Variants in UBXN7 observed in about 807,000 individuals in gnomAD.
UBXN7 encodes the protein UBX domain protein 7, also known as UBX domain-containing protein 7.
UBXN7 carries 9 observed loss-of-function variants against 58.0 expected under a neutral mutation model. That is an observed-to-expected ratio of 0.16 (90% CI 0.09 to 0.27). The LOEUF (loss-of-function observed/expected upper bound fraction) is 0.27. Among genes scored for constraint, UBXN7 ranks in the 10% least tolerant of loss-of-function variants. The pLI is 1.00. For synonymous variants in UBXN7, 208 were observed against 205.0 expected (o/e 1.01, Z -0.12); for missense variants, 328 against 599.6 (o/e 0.55, Z 4.73).
chr3:196,385,283 CGG>C (rs1729342060), intron 5 of UBXN7, among the ~76,000 whole-genome samples: 1 of 152,226 alleles, frequency 6.6e-6, no homozygotes, highest in Non-Finnish European at 1.5e-5. Flanking sequence ...GGATTGCAGA[CGG>C]AGTCTCGCTC....
Position 196,407,488 on chromosome 3 carries a change from T to C in UBXN7, c.74-95A>G, listed in dbSNP as rs928431189. 6.9e-6 allele frequency: 10 copies of C among 1,454,426 alleles called. 1 individual carries two copies. Among genetic ancestry groups the C allele is most frequent in the East Asian group, 2.4e-5 (1 of 41,894 alleles). The allele number at this position is 1,454,426 out of a possible 1,614,324, so 90.1% of individuals were successfully genotyped here. On this transcript the variant is annotated intron_variant, in intron 1 of 10. Coordinates refer to ENST00000296328, the MANE Select transcript of UBXN7 (RefSeq NM_015562.2). ...ATATTAGAATTCCCAAGTAAATTAATAGTATTTTTCCCTTTTAGAATGAAT... is the reference window on the plus strand; with the variant it reads ...ATATTAGAATTCCCAAGTAAATTAACAGTATTTTTCCCTTTTAGAATGAAT...
intron 5 of UBXN7, among the ~76,000 whole-genome samples, chr3:196,389,491 T>C (rs1729511988): frequency 6.6e-6 from 1 of 152,212 alleles, no homozygotes. Context: ...TTTGGAAATT[T>C]GTCCCCTCCA....
At chr3:196,383,768 C>T (rs1424522284) in intron 5 of UBXN7, among the ~76,000 whole-genome samples, 3 of 152,104 alleles carry the variant, frequency 2.0e-5, no homozygotes, top group Admixed American at 6.6e-5. Context: ...AAAGACACAA[C>T]GTAACAGAAT....
In UBXN7 at chr3:196,361,985, G is replaced by A. The variant is rs1008621740; in HGVS notation, c.1229-62C>T. The A allele has an allele frequency of 2.1e-6, 3 of 1,434,164 alleles. No individual in the cohort carries two copies. The African/African-American group carries it at 4.3e-5, about 21-fold the overall frequency. The allele number at this position is 1,434,164 out of a possible 1,614,324, so 88.8% of individuals were successfully genotyped here. ...TACAGGAGTTTAAGACAGAATATTAGTTTAAATAAATATGTAAATAAATAC... is the reference window on the plus strand; with the variant it reads ...TACAGGAGTTTAAGACAGAATATTAATTTAAATAAATATGTAAATAAATAC... On this transcript the variant is annotated intron_variant, in intron 9 of 10. Transcript: ENST00000296328.
intron 5 of UBXN7, among the ~76,000 whole-genome samples, chr3:196,385,246 T>C (rs1729340003): frequency 6.6e-6 from 1 of 152,242 alleles, no homozygotes; most frequent in Non-Finnish European, 1.5e-5. Flanking sequence ...GTGAGTGATC[T>C]GCCAGCCTCG....
chr3:196,393,806 C>T lies in UBXN7; in HGVS notation c.290-187G>A, dbSNP rs994235510. 4 of 438,822 alleles carry T rather than the reference C, an allele frequency of 9.1e-6. No individual in the cohort carries two copies. In the South Asian group the frequency reaches 1.1e-4, roughly 12 times the overall value. 27.2% of individuals were successfully genotyped at this position (438,822 alleles called of 1,614,324 possible). On this transcript the variant is annotated intron_variant, in intron 3 of 10. Transcript: ENST00000296328. The stretch of plus-strand genomic sequence containing the variant: ...AATTTTAGTAAATGTGCTGCCGCAG[C>T]GAGCACAGTATTTCTTGTTTTAAAA...
In UBXN7 at chr3:196,420,176, G is replaced by T. The variant is rs116165354; in HGVS notation, c.73+12151C>A. Among the ~76,000 whole-genome samples, 406 of 151,668 alleles carry T rather than the reference G, an allele frequency of 2.7e-3. 1 individual carries two copies. Among genetic ancestry groups the T allele is most frequent in the African/African-American group, 9.6e-3 (398 of 41,432 alleles). On this transcript the variant is annotated intron_variant, in intron 1 of 10. Coordinates refer to ENST00000296328, the MANE Select transcript of UBXN7 (RefSeq NM_015562.2). ...AGAAGAACATACCTTTTTTTTTAAG[G>T]GGGGGCTAATAAAACAAGTTTGACA...
chr3:196,370,751 T>C (rs1728803823), intron 6 of UBXN7, among the ~76,000 whole-genome samples: 1 of 150,008 alleles, frequency 6.7e-6, no homozygotes, highest in Non-Finnish European at 1.5e-5. Flanking sequence ...GCCGGCACGG[T>C]GATTCATGCC....
chr3:196,386,470 T>C (rs13084478), intron 5 of UBXN7, among the ~76,000 whole-genome samples: 2,052 of 145,800 alleles, frequency 0.014, 17 homozygotes, highest in Non-Finnish European at 0.018. Flanking sequence ...GAAAACCCCA[T>C]CGTCTCAGCC....
Position 196,362,577 on chromosome 3 carries a change from A to G in UBXN7, c.945T>C (p.Asp315=). ...AAAAAAGTTCAGATTCAGATTCTTC[A>G]TCTGAGCGGCTATCCTGTTTTGTCT... The part of the protein sequence containing the change: ...STQTKQDSRS[D]EESESELFSG... The change falls in exon 9 of 11, where the codon GAT becomes GAC. Residue 315 remains aspartate, a synonymous_variant. Transcript: ENST00000296328. 1 of 1,614,190 alleles carries G rather than the reference A, an allele frequency of 6.2e-7. No individual in the cohort carries two copies. Among genetic ancestry groups the G allele is most frequent in the Non-Finnish European group, 8.5e-7 (1 of 1,180,032 alleles).
chr3:196,358,001 G>C (rs1728397402), intron 10 of UBXN7, among the ~76,000 whole-genome samples: 2 of 151,876 alleles, frequency 1.3e-5, no homozygotes, highest in South Asian at 2.1e-4. Flanking sequence ...GTGCCCCACA[G>C]CACTCCAGCC....
At chr3:196,390,791 T>C (rs1366924267) in intron 5 of UBXN7, among the ~76,000 whole-genome samples, 2 of 151,616 alleles carry the variant, frequency 1.3e-5, no homozygotes, top group African/African-American at 4.8e-5. Flanking sequence ...GAAATGCTAT[T>C]GTAATTCAAA....
intron 1 of UBXN7, among the ~76,000 whole-genome samples, chr3:196,410,668 A>C (rs1045065983): frequency 6.6e-6 from 1 of 151,880 alleles, no homozygotes; most frequent in Admixed American, 6.6e-5. Context: ...CTAAAAATAC[A>C]AAAATTAGCC....
At chr3:196,401,336 CAT>C (rs1174614635) in intron 3 of UBXN7, among the ~76,000 whole-genome samples, 1 of 121,464 alleles carries the variant, frequency 8.2e-6, no homozygotes, top group African/African-American at 3.1e-5. Context: ...TATATATACA[CAT>C]ATATACAAAA....
chr3:196,407,436 A>AC, intron 1 of UBXN7, 43 bp from the exon 2 acceptor site: 1 of 1,561,188 alleles, frequency 6.4e-7, no homozygotes, highest in Non-Finnish European at 8.6e-7. Context: ...AAAAAAAAAA[A>AC]AAAAAGACAG....
intron 5 of UBXN7, among the ~76,000 whole-genome samples, chr3:196,377,260 G>A (rs1273399040): frequency 2.0e-5 from 3 of 152,128 alleles, no homozygotes; most frequent in African/African-American, 7.2e-5. Flanking sequence ...CCTTGCCCAG[G>A]TCAGACCATT....
At chr3:196,385,353 A>T (rs578008135) in intron 5 of UBXN7, among the ~76,000 whole-genome samples, 2 of 152,028 alleles carry the variant, frequency 1.3e-5, no homozygotes, top group Non-Finnish European at 2.9e-5. Flanking sequence ...GGCTCGCTAC[A>T]ACCTCCACCT....
At chr3:196,393,836 C>A in intron 3 of UBXN7, 2 of 355,180 alleles carry the variant, frequency 5.6e-6, no homozygotes, top group South Asian at 1.1e-4. Flanking sequence ...TTAAAACACT[C>A]AAGATTCATA....
At chr3:196,429,177 A>C (rs1730943143) in intron 1 of UBXN7, among the ~76,000 whole-genome samples, 1 of 152,024 alleles carries the variant, frequency 6.6e-6, no homozygotes, top group Admixed American at 6.6e-5. Flanking sequence ...AATACAAAAA[A>C]TTAGCCAGGC....
Sources: gnomAD v4.1 joint callset for allele counts (sites outside exome capture counted in the v4.1 genomes callset) on GRCh38, gnomAD v4.1.1 for gene constraint, MANE v1.5 for transcripts, NCBI Gene and HGNC (gene_info 2026-07-23, HGNC 2026-07-21) for gene names.